Variants in CASR observed in about 807,000 individuals in gnomAD.
CASR encodes the protein extracellular calcium-sensing receptor.
Under a neutral mutation model 69.1 loss-of-function variants are expected in CASR, and 23 were observed. The ratio of observed to expected loss-of-function variants is 0.33; its 90% confidence interval spans 0.24 to 0.47. CASR has a LOEUF of 0.47. Among genes scored for constraint, CASR ranks in the 20% least tolerant of loss-of-function variants. The pLI, the probability that CASR is intolerant of heterozygous loss-of-function variation, is 1.00. For synonymous variants in CASR, 541 were observed against 544.7 expected (o/e 0.99, Z 0.10); for missense variants, 924 against 1,356.1 (o/e 0.68, Z 5.00).
chr3:122,260,594 A>G (rs1227405632), intron 3 of CASR, among the ~76,000 whole-genome samples: 1 of 152,200 alleles, frequency 6.6e-6, no homozygotes, highest in Non-Finnish European at 1.5e-5. Flanking sequence ...TCTGCTAACA[A>G]TGAGTTAATG....
chr3:122,211,828 A>G (rs1245660850), intron 1 of CASR, among the ~76,000 whole-genome samples: 2 of 152,240 alleles, frequency 1.3e-5, no homozygotes, highest in Non-Finnish European at 2.9e-5. Flanking sequence ...ATCACTGATC[A>G]TTAGAGAAAC....
chr3:122,248,504 A>G (rs2074450644), intron 1 of CASR, among the ~76,000 whole-genome samples: 2 of 152,244 alleles, frequency 1.3e-5, no homozygotes, highest in African/African-American at 4.8e-5. Flanking sequence ...TAAAGATTAC[A>G]GTACAATAAA....
intron 1 of CASR, among the ~76,000 whole-genome samples, chr3:122,235,539 A>G (rs904740340): frequency 4.6e-5 from 7 of 152,380 alleles, no homozygotes; most frequent in Middle Eastern, 6.8e-3. Context: ...TTGTGTATCC[A>G]TTCAAAATAC....
rs1064794290 is a variant in CASR, at chr3:122,254,250, G to A, written c.61G>A (p.Gly21Arg). 1.9e-6 allele frequency: 3 copies of A among 1,613,932 alleles called. No individual in the cohort carries two copies. Among genetic ancestry groups the A allele is most frequent in the Non-Finnish European group, 2.5e-6 (3 of 1,180,010 alleles). Residue 21 changes from glycine (G) to arginine (R), a missense_variant, in exon 2 of 7, where the codon GGG (glycine) becomes AGG (arginine). Physicochemically the swap from Gly to Arg is moderately radical, Grantham distance 125 (BLOSUM62 -2). Coordinates refer to ENST00000639785, the MANE Select transcript of CASR (RefSeq NM_000388.4). ...ACTCACCTGGCACACCTCTGCCTAC[G>A]GGCCAGACCAGCGAGCCCAAAAGAA... ...LALTWHTSAYGPDQRAQKKGD... is the reference protein window; with the variant it reads ...LALTWHTSAYRPDQRAQKKGD...
rs543666124 is a variant in CASR at position 122,185,484 on chromosome 3, C to T, written c.-243+1672C>T. Among the ~76,000 whole-genome samples, 4 of 152,306 alleles carry T rather than the reference C, an allele frequency of 2.6e-5. No homozygotes were observed. The South Asian group carries it at 6.2e-4, about 24-fold the overall frequency. On this transcript the variant is annotated intron_variant, in intron 1 of 6. Transcript: ENST00000639785. ...ATCCCAGAGATTTGAAGAAAAGGCA[C>T]ATTGGGGAAGAGTCCATGTCAAGTT... is the stretch of plus-strand genomic sequence containing the variant.
chr3:122,231,742 AC>A (rs983823173), intron 1 of CASR, among the ~76,000 whole-genome samples: 2 of 122,264 alleles, frequency 1.6e-5, no homozygotes, highest in East Asian at 4.4e-4. Context: ...GACACCCATT[AC>A]CCCCCTCCCA....
chr3:122,217,175 A>C (rs945003729), intron 1 of CASR, among the ~76,000 whole-genome samples: 7 of 151,038 alleles, frequency 4.6e-5, no homozygotes, highest in Non-Finnish European at 1.0e-4. Flanking sequence ...ACATGATCTC[A>C]GCTCACTGCA....
At chr3:122,281,016 C>A (rs2074881307) in intron 5 of CASR, among the ~76,000 whole-genome samples, 1 of 152,124 alleles carries the variant, frequency 6.6e-6, no homozygotes, top group African/African-American at 2.4e-5. Flanking sequence ...CTAATAAATT[C>A]CTAGAATGAA....
chr3:122,183,824 G>A lies in CASR; in HGVS notation c.-243+12G>A, dbSNP rs1180912848. 2.0e-5 allele frequency: 3 copies of A among 152,152 alleles called. No homozygotes were observed. Among genetic ancestry groups the A allele is most frequent in the East Asian group, 3.8e-4 (2 of 5,198 alleles). 9.4% of individuals were successfully genotyped at this position (152,152 alleles called of 1,614,324 possible). A position where few individuals can be genotyped will look rare whatever the true frequency, so the allele number is the denominator to read the frequency against. ...GTCTTGCAGAATGAGTAAGAGTTTG[G>A]GCACGCGATTTGTATTTATTTTACT... On this transcript the variant is annotated intron_variant, in intron 1 of 6. Coordinates refer to ENST00000639785, the MANE Select transcript of CASR (RefSeq NM_000388.4).
intron 1 of CASR, among the ~76,000 whole-genome samples, chr3:122,188,436 A>G (rs1294323209): frequency 1.3e-5 from 2 of 152,198 alleles, no homozygotes; most frequent in Non-Finnish European, 2.9e-5. Flanking sequence ...AGAAGTGAGT[A>G]TCAACCAGGA....
At chr3:122,278,034 G>A (rs1305119960) in intron 5 of CASR, among the ~76,000 whole-genome samples, 1 of 152,038 alleles carries the variant, frequency 6.6e-6, no homozygotes, top group Non-Finnish European at 1.5e-5. Context: ...ATTATTTTCT[G>A]TGCTGTTGTG....
Position 122,275,916 on chromosome 3 carries a change from G to A in CASR, c.1482G>A (p.Trp494Ter). The change falls in exon 5 of 7, where the codon TGG becomes TGA. Residue 494 changes from tryptophan to a stop codon, truncating the protein, a stop_gained. Transcript: ENST00000639785. LOFTEE classifies it high-confidence loss of function. ...TGGGGAACTATTCCATCATCAACTG[G>A]CACCTCTCCCCAGAGGATGGCTCCA... ...DLVGNYSIIN[W>*]HLSPEDGSIV... The A allele has an allele frequency of 1.2e-6, 2 of 1,613,890 alleles. No individual in the cohort carries two copies. The highest frequency in any genetic ancestry group is 1.7e-6 in the Non-Finnish European group (2 of 1,179,770).
At chr3:122,259,437 A>G (rs1234759732) in intron 3 of CASR, among the ~76,000 whole-genome samples, 3 of 152,174 alleles carry the variant, frequency 2.0e-5, no homozygotes, top group Non-Finnish European at 4.4e-5. Context: ...GTTCTGTGGT[A>G]TTTCGAGAAT....
At chr3:122,221,361 C>T (rs1028464398) in intron 1 of CASR, among the ~76,000 whole-genome samples, 7 of 152,140 alleles carry the variant, frequency 4.6e-5, no homozygotes, top group Non-Finnish European at 8.8e-5. Flanking sequence ...CTTGTCTCAG[C>T]GCAAGCCCCT....
intron 1 of CASR, among the ~76,000 whole-genome samples, chr3:122,189,827 A>C (rs942182542): frequency 2.0e-5 from 3 of 152,232 alleles, no homozygotes; most frequent in African/African-American, 7.2e-5. Context: ...CTTAGGAACA[A>C]AGTTTTGCTT....
chr3:122,220,740 G>A (rs59299063), intron 1 of CASR, among the ~76,000 whole-genome samples: 44 of 152,306 alleles, frequency 2.9e-4, no homozygotes, highest in African/African-American at 9.1e-4. Context: ...TTGCGAGGCC[G>A]AGGTGGATGG....
intron 4 of CASR, among the ~76,000 whole-genome samples, chr3:122,263,029 A>G (rs2074646679): frequency 6.6e-6 from 1 of 152,194 alleles, no homozygotes; most frequent in Admixed American, 6.5e-5. Flanking sequence ...GAGTTCCCAC[A>G]CTTGTTTAGC....
At chr3:122,243,324 A>G (rs1353611860) in intron 1 of CASR, among the ~76,000 whole-genome samples, 2 of 152,158 alleles carry the variant, frequency 1.3e-5, no homozygotes, top group Non-Finnish European at 2.9e-5. Flanking sequence ...ACAGCTCTAT[A>G]GGAAAAACAT....
intron 4 of CASR, among the ~76,000 whole-genome samples, chr3:122,265,997 A>G (rs867542186): frequency 6.6e-5 from 10 of 152,122 alleles, no homozygotes; most frequent in African/African-American, 1.4e-4. Context: ...TTGGGCCTGG[A>G]TCTTCCCCAT....
Sources: gnomAD v4.1 joint callset for allele counts (sites outside exome capture counted in the v4.1 genomes callset) on GRCh38, gnomAD v4.1.1 for gene constraint, MANE v1.5 for transcripts, NCBI Gene and HGNC (gene_info 2026-07-23, HGNC 2026-07-21) for gene names.